The following UHMK1 variants were observed in gnomAD, a reference collection of about 807,000 sequenced individuals.
The protein encoded by UHMK1 is U2AF homology motif kinase 1.
Under a neutral mutation model 44.0 loss-of-function variants are expected in UHMK1, and 18 were observed. That is an observed-to-expected ratio of 0.41 (90% CI 0.28 to 0.61). The LOEUF (loss-of-function observed/expected upper bound fraction) is 0.61, where lower values mean the gene tolerates loss of function less well. Among genes scored for constraint, UHMK1 ranks in the 20% least tolerant of loss-of-function variants. The pLI is 0.31. For synonymous variants in UHMK1, 231 were observed against 198.5 expected (o/e 1.16, Z -1.38); for missense variants, 463 against 522.5 (o/e 0.89, Z 1.11).
In UHMK1 at chr1:162,499,962, G is replaced by A; in HGVS notation, c.276G>A (p.Leu92=). The A allele has an allele frequency of 6.2e-7, 1 of 1,614,020 alleles. No individual in the cohort carries two copies. Residue 92 remains leucine, a synonymous_variant, in exon 2 of 8, where the codon TTG becomes TTA. Coordinates refer to ENST00000489294, the MANE Select transcript of UHMK1 (RefSeq NM_175866.5). ...QLQGHRNIVT[L]YGVFTIHFSP... is the part of the protein sequence containing the mutation. ...TATAATTTCTTTTTCTAGTGACTTT[G>A]TATGGAGTGTTTACAATCCACTTTT...
At chr1:162,503,052 A>C (rs762668308) in intron 3 of UHMK1, among the ~76,000 whole-genome samples, 23 of 152,218 alleles carry the variant, frequency 1.5e-4, no homozygotes, top group Non-Finnish European at 2.8e-4. Flanking sequence ...AATATGACAA[A>C]TAAGATGTTT....
At chr1:162,504,300 C>T (rs1265650997) in intron 4 of UHMK1, among the ~76,000 whole-genome samples, 2 of 151,968 alleles carry the variant, frequency 1.3e-5, no homozygotes, top group African/African-American at 2.4e-5. Flanking sequence ...TGAATAGATC[C>T]GAAAACAATA....
chr1:162,515,030 G>A (rs1005150254), intron 6 of UHMK1, among the ~76,000 whole-genome samples: 2 of 151,824 alleles, frequency 1.3e-5, no homozygotes, highest in African/African-American at 2.4e-5. Flanking sequence ...CTATTATTTT[G>A]CTAACAAATG....
chr1:162,518,739 A>G (rs774273770), intron 7 of UHMK1, among the ~76,000 whole-genome samples: 207 of 151,886 alleles, frequency 1.4e-3, no homozygotes, highest in Non-Finnish European at 1.9e-3. Context: ...CTATAATCCC[A>G]GCACTTTGGG....
At position 162,498,167 on chromosome 1, in the gene UHMK1, T is replaced by C; in HGVS notation, c.167T>C (p.Phe56Ser). The C allele has an allele frequency of 6.2e-7, 1 of 1,613,178 alleles. No homozygotes were observed. Among genetic ancestry groups the C allele is most frequent in the Non-Finnish European group, 8.5e-7 (1 of 1,179,652 alleles). ...PGSPPGALKQ[F>S]LPPGTTGAAA... The stretch of plus-strand genomic sequence containing the variant: ...TCGCCCCCCGGCGCCCTCAAGCAGT[T>C]CTTGCCGCCAGGAACCACCGGGGCT... Residue 56 changes from phenylalanine (F) to serine (S), a missense_variant, in exon 1 of 8, where the codon TTC (phenylalanine) becomes TCC (serine). By Grantham distance (155) the Phe-to-Ser change is radical. Transcript: ENST00000489294.
Position 162,498,165 on chromosome 1 carries a change from G to C in UHMK1, c.165G>C (p.Gln55His), listed in dbSNP as rs1651128108. The C allele has an allele frequency of 5.0e-6, 8 of 1,613,184 alleles. No homozygotes were observed. The highest frequency in any genetic ancestry group is 6.8e-6 in the Non-Finnish European group (8 of 1,179,634). The change falls in exon 1 of 8, where the codon CAG becomes CAC. Residue 55 changes from glutamine (Q) to histidine (H), a missense_variant. By Grantham distance (24) the Gln-to-His change is conservative (BLOSUM62 0). Coordinates refer to ENST00000489294, the MANE Select transcript of UHMK1 (RefSeq NM_175866.5). ...NPGSPPGALK[Q>H]FLPPGTTGAA... ...GCTCGCCCCCCGGCGCCCTCAAGCA[G>C]TTCTTGCCGCCAGGAACCACCGGGG...
rs1056677686 is a variant in UHMK1, at chr1:162,525,347, A to C, written c.*2797A>C. The C allele has an allele frequency of 6.6e-6, 1 of 152,126 alleles. No homozygotes were observed. Among genetic ancestry groups the C allele is most frequent in the Admixed American group, 6.5e-5 (1 of 15,268 alleles). The allele number at this position is 152,126 out of a possible 1,614,324, so 9.4% of individuals were successfully genotyped here. The stretch of plus-strand genomic sequence containing the variant: ...TGAGGGTTCATGTCACTTAACCCCT[A>C]CCCTTTTGGGCAAATTTTGTCTCAG... On this transcript the variant is annotated 3_prime_UTR_variant, in exon 8 of 8. Coordinates refer to ENST00000489294, the MANE Select transcript of UHMK1 (RefSeq NM_175866.5).
At chr1:162,500,887 T>C (rs772076491) in intron 2 of UHMK1, 26 bp from the exon 3 acceptor site, 1 of 1,599,554 alleles carries the variant, frequency 6.3e-7, no homozygotes, top group Non-Finnish European at 8.5e-7. Context: ...TTTTTATTGG[T>C]TGTAATATTT....
At chr1:162,500,873 A>T (rs1259500722) in intron 2 of UHMK1, 40 bp from the exon 3 acceptor site, 1 of 1,574,870 alleles carries the variant, frequency 6.3e-7, no homozygotes, top group African/African-American at 1.4e-5. Context: ...GAAAGGGAGC[A>T]GCTTTTTTAT....
chr1:162,518,041 A>T (rs1049834299), intron 6 of UHMK1, 61 bp from the exon 7 acceptor site: 15 of 1,229,566 alleles, frequency 1.2e-5, no homozygotes, highest in African/African-American at 3.0e-5. Context: ...TAAAAAATTT[A>T]AAATGTTGAA....
chr1:162,500,444 A>G (rs1441977815), intron 2 of UHMK1, 197 bp downstream of exon 2: 20 of 612,890 alleles, frequency 3.3e-5, no homozygotes, highest in Non-Finnish European at 5.2e-5. Flanking sequence ...TGGGTCAGGT[A>G]GGAGGAGCCA....
intron 3 of UHMK1, 83 bp downstream of exon 3, chr1:162,501,187 T>C: frequency 7.4e-7 from 1 of 1,359,218 alleles, no homozygotes; most frequent in African/African-American, 1.5e-5. Context: ...TTTTTTCTTT[T>C]GAGATGGAGT....
At chr1:162,515,372 C>CT (rs2101681505) in intron 6 of UHMK1, among the ~76,000 whole-genome samples, 1 of 152,266 alleles carries the variant, frequency 6.6e-6, no homozygotes, top group East Asian at 1.9e-4. Context: ...CTCTAAAGCT[C>CT]TTATTTTTCT....
chr1:162,517,155 T>C (rs868286976), intron 6 of UHMK1, among the ~76,000 whole-genome samples: 34 of 152,086 alleles, frequency 2.2e-4, no homozygotes, highest in African/African-American at 8.2e-4. Context: ...AAAGATTAGC[T>C]GGGCATGGTG....
In UHMK1 at chr1:162,523,942, A is replaced by G. The variant is rs1166713779; in HGVS notation, c.*1392A>G. The G allele has an allele frequency of 6.6e-6, 1 of 152,170 alleles. No homozygotes were observed. Among genetic ancestry groups the G allele is most frequent in the East Asian group, 1.9e-4 (1 of 5,200 alleles). The allele number at this position is 152,170 out of a possible 1,614,324, so 9.4% of individuals were successfully genotyped here. ...TGCTGCTATGCGTGAGTTCATGGAC[A>G]CAAGTTGATTACATGGTTTTTAGAA... is the stretch of plus-strand genomic sequence containing the variant. On this transcript the variant is annotated 3_prime_UTR_variant, in exon 8 of 8. Coordinates refer to ENST00000489294, the MANE Select transcript of UHMK1 (RefSeq NM_175866.5).
intron 1 of UHMK1, among the ~76,000 whole-genome samples, chr1:162,499,070 A>AT (rs1651171248): frequency 6.6e-6 from 1 of 152,172 alleles, no homozygotes; most frequent in Non-Finnish European, 1.5e-5. Context: ...AAAGGGAAAA[A>AT]TTTTGCAAGC....
chr1:162,510,459 T>C (rs1002408083), intron 4 of UHMK1, among the ~76,000 whole-genome samples: 3 of 152,224 alleles, frequency 2.0e-5, no homozygotes, highest in South Asian at 2.1e-4. Flanking sequence ...AATTCACATA[T>C]GAGTGAGATC....
At chr1:162,509,799 T>C (rs357042) in intron 4 of UHMK1, among the ~76,000 whole-genome samples, 152,116 of 152,292 alleles carry the variant, frequency 1, 75,970 homozygotes, top group Middle Eastern at 1. Flanking sequence ...CACAGCACCA[T>C]GCCTGGCTAA....
At chr1:162,508,683 C>T (rs1023795360) in intron 4 of UHMK1, among the ~76,000 whole-genome samples, 2 of 150,600 alleles carry the variant, frequency 1.3e-5, no homozygotes, top group Middle Eastern at 3.4e-3. Flanking sequence ...GCCTGAGTGA[C>T]AGAGCAGGAC....
Sources: gnomAD v4.1 joint callset for allele counts (sites outside exome capture counted in the v4.1 genomes callset) on GRCh38, gnomAD v4.1.1 for gene constraint, MANE v1.5 for transcripts, NCBI Gene and HGNC (gene_info 2026-07-23, HGNC 2026-07-21) for gene names.